The following CABLES1 variants were observed in gnomAD, a reference collection of about 807,000 sequenced individuals.
The protein encoded by CABLES1 is CDK5 and ABL1 enzyme substrate 1.
A neutral mutation model predicts 57.8 loss-of-function variants in CABLES1; 36 were observed. The observed-to-expected ratio is 0.62, with a 90% CI of 0.48 to 0.82. The LOEUF is 0.82. CABLES1 is among the 40% of genes least tolerant of loss of function. The probability of loss-of-function intolerance (pLI) is 0.00; values close to 1 mark genes in which losing one functional copy is unlikely to be tolerated. For missense variants in CABLES1, 767 were observed against 836.6 expected (o/e 0.92, Z 1.03); for synonymous variants, 374 against 363.0 (o/e 1.03, Z -0.35).
intron 1 of CABLES1, among the ~76,000 whole-genome samples, chr18:23,174,093 G>C (rs1339168555): frequency 6.6e-6 from 1 of 152,188 alleles, no homozygotes; most frequent in African/African-American, 2.4e-5. Context: ...ATGGTTATTA[G>C]CAGTCTCTTC....
At chr18:23,218,323 GCCTCCC>G (rs1193138422) in intron 4 of CABLES1, among the ~76,000 whole-genome samples, 11 of 121,762 alleles carry the variant, frequency 9.0e-5, no homozygotes, top group Middle Eastern at 4.5e-3. Context: ...CACTTGCCCT[GCCTCCC>G]GCATCCTCAC....
In CABLES1 at chr18:23,136,536, G is replaced by A. The variant is rs772246124; in HGVS notation, c.774G>A (p.Gln258=). ...TCGCCTTCTCCAGGCCGACTTCGCAGAACTACTGCTCCCTGGAGCAGCCAG... is the reference window on the plus strand; with the variant it reads ...TCGCCTTCTCCAGGCCGACTTCGCAAAACTACTGCTCCCTGGAGCAGCCAG... ...LPIAFSRPTS[Q]NYCSLEQPGQ... is the part of the protein sequence containing the mutation. Residue 258 remains glutamine, a synonymous_variant, in exon 1 of 10, where the codon CAG becomes CAA. Coordinates refer to ENST00000256925, the MANE Select transcript of CABLES1 (RefSeq NM_001100619.3). 3 of 1,583,516 alleles carry A rather than the reference G, an allele frequency of 1.9e-6. No individual in the cohort carries two copies. Among genetic ancestry groups the A allele is most frequent in the East Asian group, 2.4e-5 (1 of 42,102 alleles).
At chr18:23,151,880 G>T (rs1054718692) in intron 1 of CABLES1, among the ~76,000 whole-genome samples, 3 of 152,210 alleles carry the variant, frequency 2.0e-5, no homozygotes, top group Admixed American at 2.0e-4. Context: ...GATGCTGTGG[G>T]CCAGGCAGGA....
chr18:23,156,085 C>T lies in CABLES1; in HGVS notation c.845+19478C>T, dbSNP rs768303719. 2.0e-4 allele frequency: 208 copies of T among 1,024,586 alleles called. 1 individual carries two copies. The highest frequency in any genetic ancestry group is 2.8e-4 in the Non-Finnish European group (190 of 674,966). 63.5% of individuals were successfully genotyped at this position (1,024,586 alleles called of 1,614,324 possible). On this transcript the variant is annotated intron_variant, in intron 1 of 9. Coordinates refer to ENST00000256925, the MANE Select transcript of CABLES1 (RefSeq NM_001100619.3). ...AGCCTGGAAAAGCGGGATGTCAGTC[C>T]TGATGTGGGCCAGCAGCGGGGGCTG...
intron 1 of CABLES1, among the ~76,000 whole-genome samples, chr18:23,177,379 G>A (rs186913360): frequency 2.6e-5 from 4 of 151,664 alleles, no homozygotes; most frequent in Admixed American, 6.6e-5. Context: ...TCCTGTGTTC[G>A]GGTGTGAGAC....
intron 4 of CABLES1, among the ~76,000 whole-genome samples, chr18:23,230,370 TCAAAA>T (rs2047558601): frequency 6.6e-6 from 1 of 152,180 alleles, no homozygotes. Context: ...AGACTCCATC[TCAAAA>T]CAAAAACAAA....
chr18:23,162,037 C>T (rs1191540757), intron 1 of CABLES1, among the ~76,000 whole-genome samples: 1 of 152,010 alleles, frequency 6.6e-6, no homozygotes, highest in Non-Finnish European at 1.5e-5. Flanking sequence ...TGGTGTCGTG[C>T]ACCTGCAATC....
At chr18:23,195,078 C>T (rs750486490) in intron 3 of CABLES1, among the ~76,000 whole-genome samples, 2 of 152,198 alleles carry the variant, frequency 1.3e-5, no homozygotes, top group African/African-American at 2.4e-5. Flanking sequence ...TTCTCCAGCT[C>T]TTCAGCTGCT....
intron 1 of CABLES1, among the ~76,000 whole-genome samples, chr18:23,177,464 G>A (rs2047132688): frequency 6.8e-6 from 1 of 146,206 alleles, no homozygotes; most frequent in Non-Finnish European, 1.5e-5. Flanking sequence ...CGTTCATTGT[G>A]CTGTGATACC....
chr18:23,233,217 G>A (rs1037974929), intron 4 of CABLES1, among the ~76,000 whole-genome samples: 1 of 152,174 alleles, frequency 6.6e-6, no homozygotes. Context: ...AACTGCCTGG[G>A]GGTGGGAGCC....
chr18:23,168,266 G>A (rs896760955), intron 1 of CABLES1, among the ~76,000 whole-genome samples: 5 of 152,190 alleles, frequency 3.3e-5, no homozygotes, highest in South Asian at 2.1e-4. Context: ...CACCCTTAAC[G>A]GAGTATGATT....
At chr18:23,165,016 G>C (rs912499793) in intron 1 of CABLES1, among the ~76,000 whole-genome samples, 1 of 151,956 alleles carries the variant, frequency 6.6e-6, no homozygotes, top group Admixed American at 6.6e-5. Context: ...CAGGTGATCT[G>C]CCCACCTCAG....
At chr18:23,244,745 C>T (rs750071) in intron 7 of CABLES1, among the ~76,000 whole-genome samples, 27,720 of 152,210 alleles carry the variant, frequency 0.18, 3,230 homozygotes, top group Middle Eastern at 0.26. Context: ...CTTTCACAGG[C>T]GTGGTGTGGA....
intron 1 of CABLES1, among the ~76,000 whole-genome samples, chr18:23,161,768 A>G (rs946764497): frequency 6.7e-6 from 1 of 149,882 alleles, no homozygotes; most frequent in African/African-American, 2.4e-5. Flanking sequence ...AAAAAAAAAA[A>G]AAAAAAAGCC....
chr18:23,160,769 C>T (rs1043556919), intron 1 of CABLES1, among the ~76,000 whole-genome samples: 2 of 152,082 alleles, frequency 1.3e-5, no homozygotes, highest in Admixed American at 6.5e-5. Flanking sequence ...TATGGTGGCT[C>T]ATGCCTGTAA....
intron 1 of CABLES1, among the ~76,000 whole-genome samples, chr18:23,161,473 G>GCATC (rs2047003354): frequency 1.3e-5 from 2 of 150,868 alleles, no homozygotes; most frequent in South Asian, 4.2e-4. Context: ...CCTCTTTCTT[G>GCATC]CATCCATCCC....
At chr18:23,163,635 G>C (rs2047020578) in intron 1 of CABLES1, among the ~76,000 whole-genome samples, 1 of 152,164 alleles carries the variant, frequency 6.6e-6, no homozygotes, top group Non-Finnish European at 1.5e-5. Context: ...AGCATGGACA[G>C]AGAGTGGATA....
At chr18:23,161,376 G>T (rs1049832649) in intron 1 of CABLES1, among the ~76,000 whole-genome samples, 1 of 151,654 alleles carries the variant, frequency 6.6e-6, no homozygotes, top group Non-Finnish European at 1.5e-5. Context: ...TGTGTTAAAA[G>T]TGAGTGACAA....
Position 23,158,417 on chromosome 18 carries a change from AC to A in CABLES1, c.845+21812del, listed in dbSNP as rs368274662. ...GCGTGTAGACCTTCTGTGTGTTTCA[AC>A]CATGGTTTTCATTTAGTGTGATCAG... On this transcript the variant is annotated intron_variant, in intron 1 of 9. Coordinates refer to ENST00000256925, the MANE Select transcript of CABLES1 (RefSeq NM_001100619.3). 1.6e-3 allele frequency among the ~76,000 whole-genome samples: 249 copies of A among 152,310 alleles called. 3 individuals carry two copies. Among genetic ancestry groups the A allele is most frequent in the African/African-American group, 5.7e-3 (237 of 41,572 alleles).
Sources: gnomAD v4.1 joint callset for allele counts (sites outside exome capture counted in the v4.1 genomes callset) on GRCh38, gnomAD v4.1.1 for gene constraint, MANE v1.5 for transcripts, NCBI Gene and HGNC (gene_info 2026-07-23, HGNC 2026-07-21) for gene names.